Variants in ZNF236 observed in about 807,000 individuals in gnomAD.
ZNF236 encodes the protein regulated by glucose.
A neutral mutation model predicts 191.2 loss-of-function variants in ZNF236; 50 were observed. The observed-to-expected ratio is 0.26, with a 90% CI of 0.21 to 0.33. The LOEUF (loss-of-function observed/expected upper bound fraction) is 0.33, where lower values mean the gene tolerates loss of function less well. ZNF236 is among the 10% of genes least tolerant of loss of function. ZNF236 has a pLI of 1.00. For missense variants in ZNF236, 1,754 were observed against 2,374.5 expected, an observed-to-expected ratio of 0.74 and a Z score of 5.43; for synonymous variants, 907 against 928.8, an observed-to-expected ratio of 0.98 and a Z score of 0.43.
At chr18:76,823,390 G>A (rs1016626117) in intron 1 of ZNF236, among the ~76,000 whole-genome samples, 6 of 151,758 alleles carry the variant, frequency 4.0e-5, no homozygotes, top group African/African-American at 1.2e-4. Context: ...GATCCGGGGG[G>A]CTGGAACCCT....
chr18:76,905,818 C>T (rs1430479658), intron 13 of ZNF236, among the ~76,000 whole-genome samples: 1 of 152,132 alleles, frequency 6.6e-6, no homozygotes, highest in East Asian at 1.9e-4. Context: ...GGTAATTATT[C>T]TATGTTGTTG....
chr18:76,853,697 A>G (rs1975950356), intron 3 of ZNF236, among the ~76,000 whole-genome samples: 1 of 152,038 alleles, frequency 6.6e-6, no homozygotes, highest in South Asian at 2.1e-4. Context: ...GGACTAAGTT[A>G]ATAAGAATAC....
intron 20 of ZNF236, among the ~76,000 whole-genome samples, chr18:76,921,251 C>G (rs1967524523): frequency 6.6e-6 from 1 of 152,122 alleles, no homozygotes; most frequent in African/African-American, 2.4e-5. Flanking sequence ...AGGGAGGTCA[C>G]TGGAGAAGAG....
chr18:76,840,520 G>A (rs755328261), intron 1 of ZNF236, among the ~76,000 whole-genome samples: 17 of 151,004 alleles, frequency 1.1e-4, no homozygotes, highest in Non-Finnish European at 1.6e-4. Flanking sequence ...AGAGGGAGAC[G>A]TTAATAACAT....
rs1265570862 is a variant in ZNF236 at position 76,910,234 on chromosome 18, A to G, written c.2653+65A>G. 1.2e-5 allele frequency: 16 copies of G among 1,362,204 alleles called. No individual in the cohort carries two copies. In the Admixed American group the frequency reaches 1.5e-4, roughly 12 times the overall value. 84.4% of individuals were successfully genotyped at this position (1,362,204 alleles called of 1,614,324 possible). ...TACTTCAGTTGAATTTAATCTCATG[A>G]CAACCTTACATGTTTTCTCTTAAGG... On this transcript the variant is annotated intron_variant, in intron 15 of 30. Transcript: ENST00000320610.
Position 76,912,234 on chromosome 18 carries a change from T to C in ZNF236, c.2806-10T>C. The C allele has an allele frequency of 1.9e-6, 3 of 1,609,990 alleles. No individual in the cohort carries two copies. Among genetic ancestry groups the C allele is most frequent in the Middle Eastern group, 3.3e-4 (2 of 6,054 alleles). On this transcript the variant is annotated splice_polypyrimidine_tract_variant and intron_variant, in intron 16 of 30. Transcript: ENST00000320610. ...CAAGTAGTTTGCTTTATACTTCTCT[T>C]AAATTTTAGACAACTCGCTTGATTC...
At chr18:76,876,228 A>G (rs1037887539) in intron 6 of ZNF236, among the ~76,000 whole-genome samples, 2 of 126,066 alleles carry the variant, frequency 1.6e-5, no homozygotes, top group African/African-American at 6.0e-5. Flanking sequence ...GTATTTCTGT[A>G]AAGCAGGTCA....
intron 27 of ZNF236, among the ~76,000 whole-genome samples, chr18:76,954,356 T>C (rs1375679583): frequency 6.6e-6 from 1 of 152,246 alleles, no homozygotes; most frequent in Non-Finnish European, 1.5e-5. Context: ...TTGCCATGAC[T>C]ACTGGTAGAT....
chr18:76,826,889 TTTTTTG>T (rs200882051), intron 1 of ZNF236, among the ~76,000 whole-genome samples: 1,815 of 152,124 alleles, frequency 0.012, 22 homozygotes, highest in Non-Finnish European at 0.015. Flanking sequence ...CAACAACTAT[TTTTTTG>T]TTTTTGTTTT....
intron 30 of ZNF236, among the ~76,000 whole-genome samples, chr18:76,961,670 A>G (rs546136867): frequency 3.4e-4 from 52 of 152,266 alleles, no homozygotes; most frequent in African/African-American, 1.2e-3. Flanking sequence ...ACTAGTTTAC[A>G]TTCCCACTAG....
At chr18:76,948,698 G>A (rs1028785420) in intron 27 of ZNF236, among the ~76,000 whole-genome samples, 1 of 152,184 alleles carries the variant, frequency 6.6e-6, no homozygotes, top group Non-Finnish European at 1.5e-5. Context: ...CGCCTGCCAA[G>A]TGTCGCCCAC....
chr18:76,906,604 C>G (rs949389157), intron 13 of ZNF236, among the ~76,000 whole-genome samples: 1 of 152,196 alleles, frequency 6.6e-6, no homozygotes, highest in African/African-American at 2.4e-5. Context: ...TTCCAGTGTC[C>G]TTTCGTAGTA....
chr18:76,910,389 G>T (rs1057000440), intron 15 of ZNF236, among the ~76,000 whole-genome samples: 1 of 152,024 alleles, frequency 6.6e-6, no homozygotes, highest in Admixed American at 6.6e-5. Context: ...CATTCTACAC[G>T]TAGTTTCCAG....
intron 7 of ZNF236, among the ~76,000 whole-genome samples, chr18:76,878,449 A>G (rs976632321): frequency 6.6e-6 from 1 of 152,212 alleles, no homozygotes; most frequent in Non-Finnish European, 1.5e-5. Flanking sequence ...TTAAATTATA[A>G]TTTAAGAATT....
intron 1 of ZNF236, among the ~76,000 whole-genome samples, chr18:76,827,908 T>C (rs1975061725): frequency 6.6e-6 from 1 of 152,188 alleles, no homozygotes; most frequent in Non-Finnish European, 1.5e-5. Flanking sequence ...CCATCTGTTT[T>C]CTCCAATGGA....
intron 1 of ZNF236, among the ~76,000 whole-genome samples, chr18:76,838,828 A>G (rs1975406093): frequency 6.6e-6 from 1 of 152,248 alleles, no homozygotes; most frequent in Non-Finnish European, 1.5e-5. Context: ...CAGCACCTAG[A>G]TTAAGAAAGA....
intron 1 of ZNF236, among the ~76,000 whole-genome samples, chr18:76,848,483 A>T (rs556570445): frequency 6.6e-6 from 1 of 152,316 alleles, no homozygotes; most frequent in African/African-American, 2.4e-5. Context: ...CATTTTTGAC[A>T]AGTTTTGTGA....
intron 25 of ZNF236, among the ~76,000 whole-genome samples, chr18:76,935,631 C>T (rs879342785): frequency 2.6e-5 from 4 of 152,254 alleles, no homozygotes; most frequent in Non-Finnish European, 5.9e-5. Context: ...TGCATCTCTT[C>T]CCCGTCTTCC....
At chr18:76,890,259 T>C (rs1319334552) in intron 9 of ZNF236, among the ~76,000 whole-genome samples, 1 of 152,242 alleles carries the variant, frequency 6.6e-6, no homozygotes, top group Non-Finnish European at 1.5e-5. Context: ...GAGTGACTTG[T>C]AGATATAATG....
Sources: allele counts gnomAD v4.1 joint callset (sites outside exome capture counted in the v4.1 genomes callset), GRCh38; gene constraint gnomAD v4.1.1; transcripts MANE v1.5; gene names NCBI Gene and HGNC (gene_info 2026-07-23, HGNC 2026-07-21).